Variants in PPP6R3 observed in about 807,000 individuals in gnomAD.
The protein encoded by PPP6R3 is serine/threonine-protein phosphatase 6 regulatory subunit 3.
In PPP6R3, 38 loss-of-function variants were observed where a neutral mutation model predicts 110.7. The observed-to-expected ratio is 0.34, with a 90% confidence interval of 0.26 to 0.45. The LOEUF (loss-of-function observed/expected upper bound fraction) is 0.45. Ranked by LOEUF, PPP6R3 falls within the 20% of genes least tolerant of loss-of-function variation. PPP6R3 has a pLI of 1.00. For missense variants in PPP6R3, 870 were observed against 1,062.4 expected (o/e 0.82, Z 2.52); for synonymous variants, 369 against 373.5 (o/e 0.99, Z 0.14).
In PPP6R3 at chr11:68,540,670, CA is replaced by C. The variant is rs1221133072; in HGVS notation, c.227+2780del. 3.3e-5 allele frequency among the ~76,000 whole-genome samples: 5 copies of C among 149,952 alleles called. No individual in the cohort carries two copies. In the East Asian group the frequency reaches 9.8e-4, roughly 29 times the overall value. On this transcript the variant is annotated intron_variant, in intron 3 of 23. Transcript: ENST00000393800. Reference sequence around the variant, plus strand: ...GAGTCTGTCTCACCTCTGCACTGACCATAAGAGATGACCACACCCAGGGGGG... The same window carrying C: ...GAGTCTGTCTCACCTCTGCACTGACCTAAGAGATGACCACACCCAGGGGGG...
intron 1 of PPP6R3, among the ~76,000 whole-genome samples, chr11:68,492,166 T>G (rs2098988259): frequency 6.6e-6 from 1 of 152,180 alleles, no homozygotes; most frequent in African/African-American, 2.4e-5. Flanking sequence ...TCTTTTTTTA[T>G]TTTTAAATTT....
intron 18 of PPP6R3, among the ~76,000 whole-genome samples, chr11:68,593,273 A>G (rs1439418250): frequency 6.6e-6 from 1 of 152,194 alleles, no homozygotes; most frequent in African/African-American, 2.4e-5. Context: ...AAATCAATAC[A>G]TTATACTTTT....
At chr11:68,488,421 A>G (rs1355591781) in intron 1 of PPP6R3, among the ~76,000 whole-genome samples, 2 of 152,214 alleles carry the variant, frequency 1.3e-5, no homozygotes, top group South Asian at 2.1e-4. Context: ...CAGTCCTCCT[A>G]TCTCGGCCTC....
At chr11:68,586,087 A>G (rs779221460) in intron 15 of PPP6R3, among the ~76,000 whole-genome samples, 3 of 151,938 alleles carry the variant, frequency 2.0e-5, no homozygotes, top group Non-Finnish European at 4.4e-5. Flanking sequence ...CCTGGACAAC[A>G]TGGCAAGACC....
intron 1 of PPP6R3, among the ~76,000 whole-genome samples, chr11:68,480,447 C>T (rs1347099005): frequency 6.6e-6 from 1 of 152,208 alleles, no homozygotes; most frequent in African/African-American, 2.4e-5. Flanking sequence ...GGATAATATT[C>T]TGCACCTTGG....
intron 2 of PPP6R3, among the ~76,000 whole-genome samples, chr11:68,522,879 A>G (rs2099170624): frequency 6.6e-6 from 1 of 152,196 alleles, no homozygotes; most frequent in African/African-American, 2.4e-5. Flanking sequence ...TGGAGGCTAA[A>G]AAGTCAGAGG....
intron 1 of PPP6R3, among the ~76,000 whole-genome samples, chr11:68,472,173 G>C (rs1274859683): frequency 2.6e-5 from 4 of 152,148 alleles, no homozygotes; most frequent in Non-Finnish European, 1.5e-5. Context: ...ATCAGAAATA[G>C]CAAAGCAAGA....
chr11:68,480,221 T>G (rs1370838213), intron 1 of PPP6R3, among the ~76,000 whole-genome samples: 2 of 152,246 alleles, frequency 1.3e-5, no homozygotes, highest in South Asian at 2.1e-4. Context: ...CATGCTTTTC[T>G]GCTCTGATCT....
rs148447188 is a variant in PPP6R3, at chr11:68,610,015, C to G, written c.2562C>G (p.Pro854=). 3.7e-6 allele frequency: 6 copies of G among 1,613,790 alleles called. No individual in the cohort carries two copies. The Admixed American group carries it at 5.0e-5, about 13-fold the overall frequency. ...CAAPRPPSSS[P]EQRTGQPSAP... is the part of the protein sequence containing the mutation. ...CGCCCAGGCCTCCCAGCAGCAGTCCCGAGCAGAGGTAACCACCCGCCTCCT... is the reference window on the plus strand; with the variant it reads ...CGCCCAGGCCTCCCAGCAGCAGTCCGGAGCAGAGGTAACCACCCGCCTCCT... Residue 854 remains proline (P), a synonymous_variant, in exon 23 of 24, where the codon CCC becomes CCG. Coordinates refer to ENST00000393800, the MANE Select transcript of PPP6R3 (RefSeq NM_001164161.2).
At position 68,460,834 on chromosome 11, in the gene PPP6R3, G is replaced by A. The variant is rs1373509074; in HGVS notation, c.-158+7G>A. ...GGGTCGTGGGCACCTCCAGGTAATG[G>A]GGGTAGGGGAGGCGCCGGAGCAGGC... On this transcript the variant is annotated splice_region_variant and intron_variant, in intron 1 of 23. Transcript: ENST00000393800. The A allele has an allele frequency of 6.6e-6, 1 of 152,240 alleles. No homozygotes were observed. Among genetic ancestry groups the A allele is most frequent in the African/African-American group, 2.4e-5 (1 of 41,446 alleles). 9.4% of individuals were successfully genotyped at this position (152,240 alleles called of 1,614,324 possible). A position where few individuals can be genotyped will look rare whatever the true frequency, so the allele number is the denominator to read the frequency against.
chr11:68,601,992 A>G, intron 21 of PPP6R3, 23 bp downstream of exon 21: 1 of 1,565,804 alleles, frequency 6.4e-7, no homozygotes, highest in East Asian at 2.3e-5. Flanking sequence ...AGGCCTGGGT[A>G]CACGCCAGGG....
chr11:68,480,807 G>A (rs1458126641), intron 1 of PPP6R3, among the ~76,000 whole-genome samples: 3 of 152,132 alleles, frequency 2.0e-5, no homozygotes, highest in Non-Finnish European at 4.4e-5. Flanking sequence ...CTAAGAGTTA[G>A]CAAATATATG....
At chr11:68,585,615 T>A (rs1024679768) in intron 15 of PPP6R3, among the ~76,000 whole-genome samples, 7 of 152,196 alleles carry the variant, frequency 4.6e-5, no homozygotes, top group African/African-American at 1.7e-4. Context: ...TTACATATAT[T>A]TGTAAGTTTT....
intron 2 of PPP6R3, among the ~76,000 whole-genome samples, chr11:68,535,994 A>G (rs968478689): frequency 2.6e-5 from 4 of 152,014 alleles, no homozygotes; most frequent in East Asian, 1.9e-4. Context: ...AACTCTGCCT[A>G]TATTTTAAAT....
chr11:68,581,523 A>G (rs1484387164), intron 14 of PPP6R3, among the ~76,000 whole-genome samples: 2 of 152,214 alleles, frequency 1.3e-5, no homozygotes, highest in Non-Finnish European at 2.9e-5. Context: ...ATGGGGTTAC[A>G]CCCCTAAAAC....
At chr11:68,513,992 A>G (rs2099123486) in intron 1 of PPP6R3, among the ~76,000 whole-genome samples, 2 of 152,216 alleles carry the variant, frequency 1.3e-5, no homozygotes, top group Admixed American at 1.3e-4. Context: ...CAAAAGACAT[A>G]GGTTGTAGAT....
intron 1 of PPP6R3, chr11:68,505,053 C>G (rs565265555): frequency 1.3e-5 from 2 of 151,972 alleles, no homozygotes; most frequent in Non-Finnish European, 2.9e-5. Flanking sequence ...CTTATTTGTT[C>G]TTTTCTATGT....
At chr11:68,464,364 C>T (rs1275964989) in intron 1 of PPP6R3, among the ~76,000 whole-genome samples, 4 of 152,022 alleles carry the variant, frequency 2.6e-5, no homozygotes, top group African/African-American at 4.8e-5. Context: ...CTCCTGACCT[C>T]GTGATCTACC....
chr11:68,554,109 A>C (rs775914202), intron 6 of PPP6R3, 36 bp from the exon 7 acceptor site: 9 of 1,421,132 alleles, frequency 6.3e-6, no homozygotes, highest in Non-Finnish European at 8.8e-6. Context: ...AACTTCTAAC[A>C]TGTTTTATGG....
Sources: allele counts gnomAD v4.1 joint callset (sites outside exome capture counted in the v4.1 genomes callset), GRCh38; gene constraint gnomAD v4.1.1; transcripts MANE v1.5; gene names NCBI Gene and HGNC (gene_info 2026-07-23, HGNC 2026-07-21).